The following MTRR variants were observed in gnomAD, a reference collection of about 807,000 sequenced individuals.
MTRR encodes the protein methionine synthase reductase.
A neutral mutation model predicts 79.2 loss-of-function variants in MTRR; 63 were observed. The ratio of observed to expected loss-of-function variants is 0.80; its 90% CI spans 0.65 to 0.98. The LOEUF (loss-of-function observed/expected upper bound fraction) is 0.98, where lower values mean the gene tolerates loss of function less well. Ranked by LOEUF, MTRR falls within the 50% of genes least tolerant of loss-of-function variation. The pLI is 0.00. For synonymous variants in MTRR, 355 were observed against 313.3 expected (o/e 1.13, Z -1.41); for missense variants, 895 against 839.6 (o/e 1.07, Z -0.82).
chr5:7,900,042 A>C lies in MTRR; in HGVS notation c.2081A>C (p.Gln694Pro). The C allele has an allele frequency of 6.2e-7, 1 of 1,613,682 alleles. No homozygotes were observed. Among genetic ancestry groups the C allele is most frequent in the African/African-American group, 1.3e-5 (1 of 74,980 alleles). ...TTAAAAGAAGAAAAACGCTACCTTC[A>C]GGATATTTGGTCATAAAACCAGAAA... ...ATLKEEKRYL[Q>P]DIWS Residue 694 changes from glutamine (Q) to proline (P), a missense_variant, in exon 15 of 15, where the codon CAG becomes CCG. Physicochemically the swap from Gln to Pro is moderately conservative, Grantham distance 76. Coordinates refer to ENST00000440940, the MANE Select transcript of MTRR (RefSeq NM_002454.3).
chr5:7,854,629 C>A (rs922103231), intron 1 of MTRR, among the ~76,000 whole-genome samples: 1 of 152,172 alleles, frequency 6.6e-6, no homozygotes, highest in Non-Finnish European at 1.5e-5. Flanking sequence ...TCTCATGAGA[C>A]TTATTCCCTA....
At chr5:7,890,507 A>T in intron 9 of MTRR, 1 of 760,842 alleles carries the variant, frequency 1.3e-6, no homozygotes, top group Non-Finnish European at 1.6e-6. Flanking sequence ...TTAGAATGTT[A>T]GAATGTTTGT....
rs1748351304 is a variant in MTRR, at chr5:7,873,463, A to G, written c.220A>G (p.Lys74Glu). Residue 74 changes from lysine (K) to glutamate (E), a missense_variant, in exon 3 of 15, where the codon AAG (lysine) becomes GAG (glutamate). Transcript: ENST00000440940. ...DPPDTARKFVKEIQNQTLPVD... is the reference protein window; with the variant it reads ...DPPDTARKFVEEIQNQTLPVD... ...ACCCGACACAGCCCGCAAGTTTGTTAAGGAAATACAGAACCAAACACTGCC... is the reference window on the plus strand; with the variant it reads ...ACCCGACACAGCCCGCAAGTTTGTTGAGGAAATACAGAACCAAACACTGCC... 6.2e-7 allele frequency: 1 copy of G among 1,614,126 alleles called. No homozygotes were observed.
chr5:7,861,176 T>C (rs1746507409), intron 1 of MTRR: 5 of 1,610,994 alleles, frequency 3.1e-6, no homozygotes, highest in South Asian at 1.1e-5. Context: ...CGAGTAACTG[T>C]AGGTGTCTTT....
Position 7,892,820 on chromosome 5 carries a change from A to G in MTRR, c.1464A>G (p.Val488=), listed in dbSNP as rs35890938. 32,178 of 1,614,200 alleles carry G rather than the reference A, an allele frequency of 0.02. 364 individuals are homozygous for G. Among genetic ancestry groups the G allele is most frequent in the Non-Finnish European group, 0.024 (28,121 of 1,180,024 alleles). The change falls in exon 11 of 15, where the codon GTA becomes GTG. Residue 488 remains valine (V), a synonymous_variant. Transcript: ENST00000440940. Reference sequence around the variant, plus strand: ...CAACAGAGGTTCTGCGGAAGGGAGTATGTACAGGCTGGCTGGCCTTGTTGG... The same window carrying G: ...CAACAGAGGTTCTGCGGAAGGGAGTGTGTACAGGCTGGCTGGCCTTGTTGG... ...TATTEVLRKG[V]CTGWLALLVA...
upstream of MTRR, chr5:7,850,921 C>A: frequency 1.5e-6 from 2 of 1,360,658 alleles, no homozygotes; most frequent in Non-Finnish European, 1.9e-6. Context: ...GTCCAGGCGC[C>A]GCGGCGGGAT....
At chr5:7,867,899 C>A, upstream of MTRR, 1 of 1,614,112 alleles carries the variant, frequency 6.2e-7, no homozygotes, top group South Asian at 1.1e-5. Context: ...AAACTTTTTA[C>A]AATGGGCATG....
intron 8 of MTRR, among the ~76,000 whole-genome samples, chr5:7,887,559 T>C (rs1394491794): frequency 1.4e-5 from 2 of 147,716 alleles, no homozygotes; most frequent in Non-Finnish European, 3.0e-5. Context: ...TTTATATATA[T>C]ATAGATTTAT....
rs1237366737 is a variant in MTRR at position 7,870,914 on chromosome 5, A to C, written c.120A>C (p.Glu40Asp). The C allele has an allele frequency of 6.2e-7, 1 of 1,614,104 alleles. No homozygotes were observed. Among genetic ancestry groups the C allele is most frequent in the Admixed American group, 1.7e-5 (1 of 60,014 alleles). Residue 40 changes from glutamate (E) to aspartate (D), a missense_variant, in exon 2 of 15, where the codon GAA (glutamate) becomes GAC (aspartate). Transcript: ENST00000440940. ...GFSADLHCIS[E>D]SDKYDLKTET... ...CTGCAGATCTTCACTGTATTAGTGA[A>C]TCCGATAAGGTTAGAGCCGTTACAG...
chr5:7,869,069 A>T, upstream of MTRR: 1 of 1,575,468 alleles, frequency 6.3e-7, no homozygotes, highest in African/African-American at 1.3e-5. Context: ...AGCACGACTC[A>T]GGGCGGCGCA....
At chr5:7,867,284 G>T (rs767927948), upstream of MTRR, 1 of 1,613,656 alleles carries the variant, frequency 6.2e-7, no homozygotes. Context: ...CACTTTTTCA[G>T]TACATGCCTG....
In MTRR at chr5:7,858,251, T is replaced by C. The variant is rs905070026; in HGVS notation, n.392-3700T>C. ...TGAAAGGGGTTTCTGAGGCCTGATA[T>C]GATCTGGAACAGATCTTAGGCTCAG... On this transcript the variant is annotated intron_variant and non_coding_transcript_variant, in intron 1 of 3. Coordinates refer to the MTRR transcript ENST00000502509. Among the ~76,000 whole-genome samples, 4 of 152,204 alleles carry C rather than the reference T, an allele frequency of 2.6e-5. No individual in the cohort carries two copies. In the East Asian group the frequency reaches 7.7e-4, roughly 29 times the overall value.
chr5:7,887,625 T>G (rs983543760), intron 8 of MTRR, among the ~76,000 whole-genome samples: 3 of 147,730 alleles, frequency 2.0e-5, no homozygotes, highest in African/African-American at 7.4e-5. Flanking sequence ...GTAATTTGAG[T>G]ATTTAGAATT....
chr5:7,884,318 G>A (rs781593483), intron 6 of MTRR, among the ~76,000 whole-genome samples: 3 of 152,108 alleles, frequency 2.0e-5, no homozygotes, highest in Non-Finnish European at 4.4e-5. Context: ...CGAAGGATTT[G>A]TCCCAGGACC....
rs1427160228 is a variant in MTRR, at chr5:7,900,013, C to T, written c.2052C>T (p.Ala684=). ...AACTAGAAGCAATGAAAACCCTGGC[C>T]ACTTTAAAAGAAGAAAAACGCTACC... is the stretch of plus-strand genomic sequence containing the variant. The part of the protein sequence containing the change: ...VEKLEAMKTL[A]TLKEEKRYLQ... Residue 684 remains alanine (A), a synonymous_variant, in exon 15 of 15, where the codon GCC becomes GCT. Transcript: ENST00000440940. 8.1e-6 allele frequency: 13 copies of T among 1,613,856 alleles called. No individual in the cohort carries two copies. Among genetic ancestry groups the T allele is most frequent in the African/African-American group, 2.7e-5 (2 of 74,890 alleles).
intron 5 of MTRR, among the ~76,000 whole-genome samples, chr5:7,881,239 G>C (rs1225935649): frequency 6.6e-6 from 1 of 152,054 alleles, no homozygotes; most frequent in Non-Finnish European, 1.5e-5. Context: ...CCTAGCTCCT[G>C]TGGGGGCATA....
intron 1 of MTRR, among the ~76,000 whole-genome samples, chr5:7,855,174 C>T (rs568992346): frequency 6.6e-6 from 1 of 152,138 alleles, no homozygotes; most frequent in South Asian, 2.1e-4. Flanking sequence ...AAAAGTCATA[C>T]GTGGACTTTG....
intron 4 of MTRR, 43 bp downstream of exon 4, chr5:7,875,418 C>T (rs1301814647): frequency 8.4e-6 from 12 of 1,427,156 alleles, no homozygotes; most frequent in Non-Finnish European, 1.2e-5. Flanking sequence ...GCCCTCTATA[C>T]ATGATGGAAG....
intron 1 of MTRR, among the ~76,000 whole-genome samples, chr5:7,856,362 C>G (rs1746247199): frequency 6.6e-6 from 1 of 152,144 alleles, no homozygotes; most frequent in Non-Finnish European, 1.5e-5. Context: ...TGATAATTAA[C>G]AAAGGCAGTT....
Sources: allele counts gnomAD v4.1 joint callset (sites outside exome capture counted in the v4.1 genomes callset), GRCh38; gene constraint gnomAD v4.1.1; transcripts MANE v1.5; gene names NCBI Gene and HGNC (gene_info 2026-07-23, HGNC 2026-07-21).